NTAQ1: variants seen among roughly 807,000 people sequenced by gnomAD.
The protein encoded by NTAQ1 is protein N-terminal glutamine amidohydrolase.
Under a neutral mutation model 28.2 loss-of-function variants are expected in NTAQ1, and 21 were observed. The ratio of observed to expected loss-of-function variants is 0.74; its 90% CI spans 0.53 to 1.07. The LOEUF (loss-of-function observed/expected upper bound fraction) is 1.07, where lower values mean the gene tolerates loss of function less well. NTAQ1 is among the 50% of genes least tolerant of loss of function. NTAQ1 has a pLI of 0.00. For synonymous variants in NTAQ1, 105 were observed against 90.0 expected (o/e 1.17, Z -0.94); for missense variants, 264 against 256.6 (o/e 1.03, Z -0.20).
At chr8:123,430,156 ATTGACCTT>A in intron 3 of NTAQ1, 123 bp downstream of exon 3, 1 of 596,518 alleles carries the variant, frequency 1.7e-6, no homozygotes. Flanking sequence ...TTATTAATAA[ATTGACCTT>A]TTGAGAATAG....
chr8:123,423,315 CT>C (rs953885071), intron 1 of NTAQ1, among the ~76,000 whole-genome samples: 1 of 136,612 alleles, frequency 7.3e-6, no homozygotes, highest in African/African-American at 2.6e-5. Flanking sequence ...CTCTTCTCTT[CT>C]TTTTTCTTTC....
chr8:123,459,388 C>CT (rs890408728), intron 6 of NTAQ1, among the ~76,000 whole-genome samples: 2 of 152,194 alleles, frequency 1.3e-5, no homozygotes, highest in African/African-American at 4.8e-5. Flanking sequence ...CGGAAGCTCT[C>CT]TGAACCCCAT....
At chr8:123,465,375 C>T (rs1401600297) in intron 6 of NTAQ1, among the ~76,000 whole-genome samples, 1 of 151,998 alleles carries the variant, frequency 6.6e-6, no homozygotes, top group Admixed American at 6.6e-5. Context: ...AAAACAAGGA[C>T]ACCGTCACCA....
At chr8:123,443,527 C>T (rs1206748092), downstream of NTAQ1, among the ~76,000 whole-genome samples, 1 of 152,238 alleles carries the variant, frequency 6.6e-6, no homozygotes, top group Non-Finnish European at 1.5e-5. Flanking sequence ...CTCAGCCCTA[C>T]TTTGGGGCTT....
intron 6 of NTAQ1, among the ~76,000 whole-genome samples, chr8:123,458,626 CT>C (rs1351087669): frequency 2.0e-3 from 279 of 142,790 alleles, no homozygotes; most frequent in South Asian, 3.4e-3. Flanking sequence ...TACTTTCTTT[CT>C]TTTTTTTTTT....
rs972856037 is a variant in NTAQ1 at position 123,435,542 on chromosome 8, C to T, written c.235-911C>T. 14 of 984,616 alleles carry T rather than the reference C, an allele frequency of 1.4e-5. No homozygotes were observed. The East Asian group carries it at 1.4e-3, about 96-fold the overall frequency. 61.0% of individuals were successfully genotyped at this position (984,616 alleles called of 1,614,324 possible). On this transcript the variant is annotated intron_variant, in intron 3 of 5. Coordinates refer to ENST00000287387, the MANE Select transcript of NTAQ1 (RefSeq NM_018024.3). ...ATGCAAATGTACTTCTGAATGCGCA[C>T]GTATGTCTTTATATACAGATAGCTT...
At chr8:123,435,061 A>G (rs1012087722) in intron 3 of NTAQ1, among the ~76,000 whole-genome samples, 15 of 152,182 alleles carry the variant, frequency 9.9e-5, no homozygotes, top group African/African-American at 3.1e-4. Flanking sequence ...GTGCCTTTTA[A>G]ACTCTAAGAT....
At chr8:123,449,919 G>GTGTATA (rs1402387215), downstream of NTAQ1, among the ~76,000 whole-genome samples, 1 of 71,166 alleles carries the variant, frequency 1.4e-5, no homozygotes, top group Non-Finnish European at 2.8e-5. Context: ...ATATGTGTGT[G>GTGTATA]TATATATATA....
chr8:123,421,803 C>G (rs774537259), intron 1 of NTAQ1, among the ~76,000 whole-genome samples: 2 of 151,756 alleles, frequency 1.3e-5, no homozygotes, highest in Admixed American at 1.3e-4. Context: ...ATTCTCCTGC[C>G]TCAGCCTCCC....
At chr8:123,460,259 A>T (rs1815783693) in intron 6 of NTAQ1, among the ~76,000 whole-genome samples, 1 of 152,224 alleles carries the variant, frequency 6.6e-6, no homozygotes, top group African/African-American at 2.4e-5. Flanking sequence ...GCATGAAATT[A>T]TTAGTCCTTA....
At chr8:123,428,358 A>G (rs1054457520) in intron 2 of NTAQ1, among the ~76,000 whole-genome samples, 2 of 151,768 alleles carry the variant, frequency 1.3e-5, no homozygotes, top group Non-Finnish European at 2.9e-5. Context: ...CACCACGCCC[A>G]GCTAATTTTT....
At chr8:123,459,827 G>A (rs919046179) in intron 6 of NTAQ1, among the ~76,000 whole-genome samples, 2 of 143,480 alleles carry the variant, frequency 1.4e-5, no homozygotes, top group African/African-American at 5.2e-5. Context: ...TTTTGAGATG[G>A]AGTTTCACTC....
rs553365320 is a variant in NTAQ1, at chr8:123,424,168, G to T, written c.84-3756G>T. Among the ~76,000 whole-genome samples, 6 of 145,604 alleles carry T rather than the reference G, an allele frequency of 4.1e-5. No homozygotes were observed. The South Asian group carries it at 1.4e-3, about 33-fold the overall frequency. ...GCTCACTGCAACCTGTGCCTCCCGG[G>T]CTCAAGTGATTCTCATGCCTCAGCC... On this transcript the variant is annotated intron_variant, in intron 1 of 5. Transcript: ENST00000287387.
chr8:123,455,274 C>T (rs1051241805), intron 6 of NTAQ1, among the ~76,000 whole-genome samples: 5 of 152,190 alleles, frequency 3.3e-5, no homozygotes, highest in South Asian at 2.1e-4. Flanking sequence ...CTGCTTGGTT[C>T]GTGGGCCTAC....
intron 6 of NTAQ1, among the ~76,000 whole-genome samples, chr8:123,457,372 TA>T (rs568795718): frequency 4.3e-4 from 64 of 150,152 alleles, no homozygotes; most frequent in Non-Finnish European, 7.0e-4. Flanking sequence ...CAGCCAAAAT[TA>T]AAAAAAAAAT....
Position 123,465,574 on chromosome 8 carries a change from C to CTTTTTT in NTAQ1, c.373-1485_373-1480dup, listed in dbSNP as rs71310691. ...TTGCTTTTTTCACTCAGCATAACATCTTTTTTTTTTTTTTTTTTTTTTTTT... is the reference window on the plus strand; with the variant it reads ...TTGCTTTTTTCACTCAGCATAACATCTTTTTTTTTTTTTTTTTTTTTTTTTTTTTTT... On this transcript the variant is annotated intron_variant, in intron 6 of 6. Transcript: ENST00000650311. Among the ~76,000 whole-genome samples the CTTTTTT allele has an allele frequency of 7.3e-4, 57 of 78,574 alleles. 1 individual carries two copies. The highest frequency in any genetic ancestry group is 0.015 in the Middle Eastern group (1 of 66). 51.5% of individuals were successfully genotyped at this position (78,574 alleles called of 152,430 possible). A position where few individuals can be genotyped will look rare whatever the true frequency, so the allele number is the denominator to read the frequency against.
intron 6 of NTAQ1, among the ~76,000 whole-genome samples, chr8:123,465,409 C>T (rs1815937402): frequency 6.6e-6 from 1 of 151,872 alleles, no homozygotes; most frequent in Non-Finnish European, 1.5e-5. Flanking sequence ...CAGAGAAACT[C>T]CCTCATACTA....
chr8:123,446,033 A>T (rs1290130608), downstream of NTAQ1, among the ~76,000 whole-genome samples: 3 of 148,986 alleles, frequency 2.0e-5, no homozygotes, highest in East Asian at 6.0e-4. Flanking sequence ...TCACTCTGTC[A>T]CCCAGACTGG....
chr8:123,462,237 A>G (rs1477022920), intron 6 of NTAQ1, among the ~76,000 whole-genome samples: 2 of 152,050 alleles, frequency 1.3e-5, no homozygotes, highest in African/African-American at 2.4e-5. Context: ...TAGTATAGAA[A>G]GGGTTTCATC....
Sources: allele counts gnomAD v4.1 joint callset (sites outside exome capture counted in the v4.1 genomes callset), GRCh38; gene constraint gnomAD v4.1.1; transcripts MANE v1.5; gene names NCBI Gene and HGNC (gene_info 2026-07-23, HGNC 2026-07-21).